DIAPH2: variants seen among roughly 807,000 people sequenced by gnomAD.
DIAPH2 encodes protein diaphanous homolog 2.
Under a neutral mutation model 92.7 loss-of-function variants are expected in DIAPH2, and 35 were observed. The ratio of observed to expected loss-of-function variants is 0.38; its 90% CI spans 0.29 to 0.50. DIAPH2 has a LOEUF of 0.50. DIAPH2 is among the 20% of genes least tolerant of loss of function. The pLI is 0.94. For synonymous variants in DIAPH2, 301 were observed against 280.4 expected, an observed-to-expected ratio of 1.07 and a Z score of -0.73; for missense variants, 701 against 819.5, an observed-to-expected ratio of 0.86 and a Z score of 1.77.
At chrX:97,291,429 A>C (rs976112790) in intron 23 of DIAPH2, among the ~76,000 whole-genome samples, 3 of 111,411 alleles carry the variant, frequency 2.7e-5, no homozygotes, top group African/African-American at 9.8e-5. Flanking sequence ...TTAAAAAGCT[A>C]GTGTGTCTAT....
intron 24 of DIAPH2, among the ~76,000 whole-genome samples, chrX:97,379,961 G>A (rs775680095): frequency 2.5e-4 from 28 of 110,577 alleles, no homozygotes; most frequent in Non-Finnish European, 4.5e-4. Context: ...TAGCATTTAC[G>A]TGAATTTCTT....
intron 4 of DIAPH2, among the ~76,000 whole-genome samples, chrX:96,796,566 C>T (rs1030169511): frequency 1.2e-4 from 13 of 111,675 alleles, no homozygotes; most frequent in African/African-American, 4.2e-4. Context: ...AACTATTCCA[C>T]TTGATCTCAT....
chrX:97,320,287 CG>C (rs1306837763), intron 23 of DIAPH2, among the ~76,000 whole-genome samples: 3 of 109,555 alleles, frequency 2.7e-5, no homozygotes, highest in Non-Finnish European at 5.7e-5. Context: ...CATAAAGGAC[CG>C]TATGTTTGAG....
At chrX:96,826,656 G>A (rs1430446785) in intron 4 of DIAPH2, among the ~76,000 whole-genome samples, 3 of 111,818 alleles carry the variant, frequency 2.7e-5, no homozygotes, top group Non-Finnish European at 5.6e-5. Context: ...TTTCTAAATG[G>A]TGAGGAACAC....
intron 4 of DIAPH2, among the ~76,000 whole-genome samples, chrX:96,784,903 C>G (rs909020947): frequency 8.9e-6 from 1 of 112,195 alleles, no homozygotes. Context: ...GAATCATAGT[C>G]AGATCATCTC....
At chrX:97,097,297 T>C (rs1030192000) in intron 19 of DIAPH2, among the ~76,000 whole-genome samples, 3 of 112,108 alleles carry the variant, frequency 2.7e-5, no homozygotes, top group Non-Finnish European at 3.8e-5. Context: ...ATATGTACTA[T>C]TGTAGTAGTC....
intron 24 of DIAPH2, among the ~76,000 whole-genome samples, chrX:97,351,331 G>T (rs1490372435): frequency 8.9e-6 from 1 of 112,324 alleles, no homozygotes; most frequent in Non-Finnish European, 1.9e-5. Flanking sequence ...AAACCAACTT[G>T]ATTTTGGTAA....
intron 4 of DIAPH2, among the ~76,000 whole-genome samples, chrX:96,806,662 A>AAAAAT (rs1273349100): frequency 1.9e-5 from 2 of 104,857 alleles, no homozygotes; most frequent in Non-Finnish European, 3.9e-5. Context: ...AAAAAAAAAA[A>AAAAAT]AAGAAACAAA....
chrX:97,438,836 A>G (rs1223105372), intron 26 of DIAPH2, among the ~76,000 whole-genome samples: 1 of 112,306 alleles, frequency 8.9e-6, no homozygotes, highest in Non-Finnish European at 1.9e-5. Context: ...AAGATCTTGA[A>G]TGGAATTGTC....
chrX:97,450,116 A>G (rs761466321), intron 26 of DIAPH2, among the ~76,000 whole-genome samples: 8 of 111,550 alleles, frequency 7.2e-5, no homozygotes, highest in Non-Finnish European at 1.3e-4. Context: ...TTCAAATTCT[A>G]CATTGCCTGG....
intron 4 of DIAPH2, among the ~76,000 whole-genome samples, chrX:96,846,307 C>G (rs969534041): frequency 9.2e-6 from 1 of 108,743 alleles, no homozygotes; most frequent in African/African-American, 3.4e-5. Context: ...ACCACCACGC[C>G]CGGCTAATTT....
Position 96,989,642 on chromosome X carries a change from G to A in DIAPH2, c.2050+24435G>A, listed in dbSNP as rs1354398193. ...CTCTGTATGATAATGTTTTCACACA[G>A]TGTATTAGTGCATGTGGAAGTATAT... On this transcript the variant is annotated intron_variant, in intron 17 of 26. Coordinates refer to ENST00000324765, the MANE Select transcript of DIAPH2 (RefSeq NM_006729.5). Among the ~76,000 whole-genome samples the A allele has an allele frequency of 5.4e-5, 6 of 111,817 alleles. No homozygotes were observed. In the Admixed American group the frequency reaches 5.7e-4, roughly 11 times the overall value.
At chrX:97,452,082 A>G (rs1489546603) in intron 26 of DIAPH2, among the ~76,000 whole-genome samples, 1 of 111,498 alleles carries the variant, frequency 9.0e-6, no homozygotes, top group Non-Finnish European at 1.9e-5. Flanking sequence ...TAAATATATA[A>G]CACCAATATT....
chrX:97,355,115 G>C (rs1036925368), intron 24 of DIAPH2, among the ~76,000 whole-genome samples: 3 of 111,759 alleles, frequency 2.7e-5, no homozygotes, highest in African/African-American at 9.8e-5. Context: ...GGCTTATGGA[G>C]ATAATTAATT....
intron 5 of DIAPH2, among the ~76,000 whole-genome samples, chrX:96,902,598 A>G (rs1295812073): frequency 9.0e-6 from 1 of 111,376 alleles, no homozygotes; most frequent in Non-Finnish European, 1.9e-5. Flanking sequence ...TGATTTACCC[A>G]TTTCACAGTG....
intron 17 of DIAPH2, among the ~76,000 whole-genome samples, chrX:97,047,542 C>CTTTTTTTTT (rs5903064): frequency 1.3e-4 from 4 of 30,101 alleles, no homozygotes; most frequent in African/African-American, 3.1e-4. Context: ...ATAAAATAGG[C>CTTTTTTTTT]TTTTTTTTTT....
chrX:96,763,519 A>G (rs1004748368), intron 4 of DIAPH2, among the ~76,000 whole-genome samples: 13 of 111,698 alleles, frequency 1.2e-4, no homozygotes, highest in African/African-American at 4.2e-4. Context: ...ATGATTGAGC[A>G]CATAGAGTAA....
rs1348217342 is a variant in DIAPH2, at chrX:97,137,808, CT to C, written c.2590-3853del. Among the ~76,000 whole-genome samples, 4 of 111,745 alleles carry C rather than the reference CT, an allele frequency of 3.6e-5. No homozygotes were observed. In the Admixed American group the frequency reaches 3.8e-4, roughly 11 times the overall value. ...CTTGTATGCAAAATCAAGAACTTTT[CT>C]TTTCCAGCAGATGACAGGAGCCTTT... On this transcript the variant is annotated intron_variant, in intron 21 of 26. Transcript: ENST00000324765.
intron 3 of DIAPH2, among the ~76,000 whole-genome samples, chrX:96,754,954 G>GAAAAAAAAAAAAAAAAAAAAAAA (rs2064216966): frequency 1.2e-5 from 1 of 82,348 alleles, no homozygotes; most frequent in Non-Finnish European, 2.5e-5. Flanking sequence ...AAAAAAAAAG[G>GAAAAAAAAAAAAAAAAAAAAAAA]AAATAGATAC....
Sources: allele counts gnomAD v4.1 joint callset (sites outside exome capture counted in the v4.1 genomes callset), GRCh38; gene constraint gnomAD v4.1.1; transcripts MANE v1.5; gene names NCBI Gene and HGNC (gene_info 2026-07-23, HGNC 2026-07-21).